The following OGFR variants were observed in gnomAD, a reference collection of about 807,000 sequenced individuals.
OGFR encodes protein 7-60.
OGFR carries 18 observed loss-of-function variants against 33.6 expected under a neutral mutation model. That is an observed-to-expected ratio of 0.54 (90% confidence interval 0.37 to 0.80). The LOEUF is 0.80. Ranked by LOEUF, OGFR falls within the 30% of genes least tolerant of loss-of-function variation. OGFR has a pLI of 0.00. For missense variants in OGFR, 877 were observed against 955.8 expected, an observed-to-expected ratio of 0.92 and a Z score of 1.09; for synonymous variants, 370 against 400.7, an observed-to-expected ratio of 0.92 and a Z score of 0.91.
At chr20:62,809,692 G>A (rs766097333) in intron 4 of OGFR, 29 bp downstream of exon 4, 8 of 1,526,798 alleles carry the variant, frequency 5.2e-6, no homozygotes, top group Admixed American at 1.7e-5. Flanking sequence ...GGGGATGGGG[G>A]GTTGGCGAGG....
At chr20:62,808,440 T>C in intron 3 of OGFR, 115 bp downstream of exon 3, 1 of 760,388 alleles carries the variant, frequency 1.3e-6, no homozygotes, top group South Asian at 1.6e-5. Flanking sequence ...GGCTTTCAAA[T>C]AGCCCCACAG....
chr20:62,805,817 G>C (rs1048162335), intron 1 of OGFR: 7 of 152,582 alleles, frequency 4.6e-5, no homozygotes, highest in African/African-American at 1.2e-4. Context: ...GGCTGGGCAG[G>C]GGGGTGGGGT....
chr20:62,813,962 C>T lies in OGFR; in HGVS notation c.*313C>T, dbSNP rs556013205. ...AGGGCTGCTTTTCTTAGTCTGATAC[C>T]AAGCAAGGCCTTTTCTGAATAAATT... is the stretch of plus-strand genomic sequence containing the variant. On this transcript the variant is annotated 3_prime_UTR_variant, in exon 7 of 7. Transcript: ENST00000290291. The T allele has an allele frequency of 1.7e-5, 8 of 471,052 alleles. No homozygotes were observed. The highest frequency in any genetic ancestry group is 1.2e-4 in the East Asian group (3 of 25,816). 29.2% of individuals were successfully genotyped at this position (471,052 alleles called of 1,614,324 possible).
In OGFR at chr20:62,807,587, G is replaced by T. The variant is rs746310992; in HGVS notation, c.222G>T (p.Arg74Ser). 1.2e-6 allele frequency: 2 copies of T among 1,609,132 alleles called. No individual in the cohort carries two copies. The highest frequency in any genetic ancestry group is 1.7e-6 in the Non-Finnish European group (2 of 1,178,354). The change falls in exon 2 of 7, where the codon AGG becomes AGT. Residue 74 changes from arginine (R) to serine (S), a missense_variant. Around this residue, in one of 3 missense-constraint regions of OGFR, gnomAD observed 760 missense variants for 736.0 expected, o/e 1.03. Transcript: ENST00000290291. ...RNWRATRDMC[R>S]YRHNYPDLVE... ...GGCGAGCCACGAGGGACATGTGTAG[G>T]TATCGGCACAACTATCCGGTACGTA...
intron 4 of OGFR, 25 bp from the exon 5 acceptor site, chr20:62,810,474 T>C: frequency 8.1e-6 from 13 of 1,612,306 alleles, no homozygotes; most frequent in Non-Finnish European, 1.1e-5. Flanking sequence ...CCTAATCCCT[T>C]GCCTGAGCAT....
chr20:62,809,066 C>T (rs1354116549), intron 3 of OGFR, among the ~76,000 whole-genome samples: 4 of 151,428 alleles, frequency 2.6e-5, no homozygotes, highest in Admixed American at 6.6e-5. Context: ...TAAAGCTTCA[C>T]GGGCACGTGC....
chr20:62,808,079 C>T (rs1362802916), intron 2 of OGFR, 168 bp from the exon 3 acceptor site: 3 of 694,338 alleles, frequency 4.3e-6, no homozygotes, highest in Non-Finnish European at 8.0e-6. Flanking sequence ...TTGGAGGCAG[C>T]TGCTGTCCTC....
chr20:62,807,521 T>A lies in OGFR; in HGVS notation c.172-16T>A. The A allele has an allele frequency of 6.2e-7, 1 of 1,611,448 alleles. No individual in the cohort carries two copies. The highest frequency in any genetic ancestry group is 1.1e-5 in the South Asian group (1 of 90,668). ...GTCTCCCATGGGGGTCCTAATCCCA[T>A]CTCTTTTCTTCCCAGTCCAGAATGA... On this transcript the variant is annotated splice_polypyrimidine_tract_variant and intron_variant, in intron 1 of 6. Transcript: ENST00000290291.
intron 2 of OGFR, chr20:62,807,808 C>T (rs1990631314): frequency 1.6e-6 from 1 of 617,490 alleles, no homozygotes; most frequent in African/African-American, 1.8e-5. Flanking sequence ...GGGCATCCCC[C>T]TACTTTTCTG....
chr20:62,805,177 A>C (rs1600770401), intron 1 of OGFR, 147 bp downstream of exon 1: 2 of 525,788 alleles, frequency 3.8e-6, no homozygotes, highest in Non-Finnish European at 5.8e-6. Context: ...AGACCGGCCG[A>C]CCCCCAGCCC....
chr20:62,811,537 C>T lies in OGFR; in HGVS notation c.541C>T (p.Arg181Trp), dbSNP rs764166214. 15 of 1,607,580 alleles carry T rather than the reference C, an allele frequency of 9.3e-6. No individual in the cohort carries two copies. In the East Asian group the frequency reaches 2.0e-4, roughly 22 times the overall value. ...YELMLGFYGIRLEDRGTGTVG... is the reference protein window; with the variant it reads ...YELMLGFYGIWLEDRGTGTVG... The stretch of plus-strand genomic sequence containing the variant: ...GCTCATGCTGGGCTTCTACGGGATC[C>T]GGCTGGAGGACCGAGGCACGGGCAC... The change falls in exon 6 of 7, where the codon CGG (arginine) becomes TGG (tryptophan). Residue 181 changes from arginine to tryptophan, a missense_variant. By Grantham distance (101) the Arg-to-Trp change is moderately radical (BLOSUM62 -3). Around this residue, in one of 3 missense-constraint regions of OGFR, gnomAD observed 760 missense variants for 736.0 expected, o/e 1.03. Transcript: ENST00000290291.
rs1398117390 is a variant in OGFR, at chr20:62,804,991, G to A, written c.132G>A (p.Glu44=). 22 of 1,476,022 alleles carry A rather than the reference G, an allele frequency of 1.5e-5. No individual in the cohort carries two copies. Among genetic ancestry groups the A allele is most frequent in the East Asian group, 1.2e-4 (4 of 33,202 alleles). 91.4% of individuals were successfully genotyped at this position (1,476,022 alleles called of 1,614,324 possible). ...CGGACGCAGGGGACGAGGACGAGGA[G>A]TCGGAGGAGCCGCGGGCGGCGCGGC... ...RDADAGDEDE[E]SEEPRAARPS... The change falls in exon 1 of 7, where the codon GAG becomes GAA. Residue 44 remains glutamate, a synonymous_variant. Transcript: ENST00000290291.
Position 62,813,575 on chromosome 20 carries a change from C to T in OGFR, c.1960C>T (p.Pro654Ser), listed in dbSNP as rs1211044871. The change falls in exon 7 of 7, where the codon CCA becomes TCA. Residue 654 changes from proline to serine, a missense_variant. This residue lies in a region of OGFR where 45 missense variants were observed against 38.0 expected (regional missense o/e 1.19). Coordinates refer to ENST00000290291, the MANE Select transcript of OGFR (RefSeq NM_007346.4). ...CCCGGCAGGACCTACAAGGGATGAG[C>T]CAGCCAAGGCGGGGGAGGCAGCAGA... ...PSPAGPTRDE[P>S]AKAGEAAELQ... 1 of 1,612,616 alleles carries T rather than the reference C, an allele frequency of 6.2e-7. No homozygotes were observed. Among genetic ancestry groups the T allele is most frequent in the Non-Finnish European group, 8.5e-7 (1 of 1,179,950 alleles).
intron 1 of OGFR, 61 bp from the exon 2 acceptor site, chr20:62,807,476 A>C: frequency 6.7e-7 from 1 of 1,494,524 alleles, no homozygotes; most frequent in South Asian, 1.1e-5. Context: ...AGCCCTCACC[A>C]CGTTGGGACT....
Position 62,812,469 on chromosome 20 carries a change from T to C in OGFR, c.854T>C (p.Val285Ala). ...WEHFRPRCKF[V>A]WGPQDKLRRF... Reference sequence around the variant, plus strand: ...CACTTCCGGCCCCGCTGCAAGTTCGTCTGGGGGCCCCAAGACAAGCTGCGG... The same window carrying C: ...CACTTCCGGCCCCGCTGCAAGTTCGCCTGGGGGCCCCAAGACAAGCTGCGG... The change falls in exon 7 of 7, where the codon GTC becomes GCC. Residue 285 changes from valine to alanine, a missense_variant. Transcript: ENST00000290291. 6.3e-7 allele frequency: 1 copy of C among 1,579,288 alleles called. No individual in the cohort carries two copies. The highest frequency in any genetic ancestry group is 8.6e-7 in the Non-Finnish European group (1 of 1,162,930).
At position 62,812,408 on chromosome 20, in the gene OGFR, C is replaced by A. The variant is rs1043110211; in HGVS notation, c.793C>A (p.His265Asn). The change falls in exon 7 of 7, where the codon CAC becomes AAC. Residue 265 changes from histidine (H) to asparagine (N), a missense_variant. Coordinates refer to ENST00000290291, the MANE Select transcript of OGFR (RefSeq NM_007346.4). ...CTTCATGTTCGCCGTGCGCTGCCGA[C>A]ACCAGCGCCGCCAGCTGGTGCACTT... is the stretch of plus-strand genomic sequence containing the variant. Reference protein sequence around the residue: ...DYFMFAVRCRHQRRQLVHFAW... With the variant: ...DYFMFAVRCRNQRRQLVHFAW... 7 of 1,583,478 alleles carry A rather than the reference C, an allele frequency of 4.4e-6. No individual in the cohort carries two copies. The African/African-American group carries it at 9.4e-5, about 21-fold the overall frequency.
Position 62,811,624 on chromosome 20 carries a change from G to GCGGGCCCCCCCCCCCCC in OGFR, c.614+15_614+16insGGGCCCCCCCCCCCCCC. 6.4e-7 allele frequency: 1 copy of GCGGGCCCCCCCCCCCCC among 1,551,502 alleles called. No homozygotes were observed. Among genetic ancestry groups the GCGGGCCCCCCCCCCCCC allele is most frequent in the Non-Finnish European group, 8.7e-7 (1 of 1,147,394 alleles). On this transcript the variant is annotated intron_variant, in intron 6 of 6. Transcript: ENST00000290291. ...GAACCTGAACTGGTGAGGCCCGGCTGCTCCCGCCCACCCCCACCCCGGCGC... is the reference window on the plus strand; with the variant it reads ...GAACCTGAACTGGTGAGGCCCGGCTGCGGGCCCCCCCCCCCCCCTCCCGCCCACCCCCACCCCGGCGC...
intron 5 of OGFR, 133 bp from the exon 6 acceptor site, chr20:62,811,329 C>T (rs1182248947): frequency 3.9e-6 from 4 of 1,019,532 alleles, no homozygotes; most frequent in South Asian, 1.5e-5. Flanking sequence ...AAGACTCTGT[C>T]TCTAAATAAA....
chr20:62,812,105 A>G (rs1990740430), intron 6 of OGFR, 125 bp from the exon 7 acceptor site: 3 of 804,332 alleles, frequency 3.7e-6, no homozygotes, highest in Admixed American at 6.3e-5. Flanking sequence ...ATGGAGAGAG[A>G]GACTGAATCG....
Sources: gnomAD v4.1 joint callset for allele counts (sites outside exome capture counted in the v4.1 genomes callset) on GRCh38, gnomAD v4.1.1 for gene constraint, gnomAD v4.1.1 regional missense constraint, MANE v1.5 for transcripts, NCBI Gene and HGNC (gene_info 2026-07-23, HGNC 2026-07-21) for gene names.